The following TNRC18 variants were observed in gnomAD, a reference collection of about 807,000 sequenced individuals.
TNRC18 encodes trinucleotide repeat-containing gene 18 protein.
A neutral mutation model predicts 226.7 loss-of-function variants in TNRC18; 69 were observed. That is an observed-to-expected ratio of 0.30 (90% CI 0.25 to 0.37). The LOEUF is 0.37. TNRC18 is among the 10% of genes least tolerant of loss of function. The pLI, the probability that TNRC18 is intolerant of heterozygous loss-of-function variation, is 1.00. For missense variants in TNRC18, 4,754 were observed against 4,256.6 expected (o/e 1.12, Z -3.25); for synonymous variants, 2,449 against 1,927.6 (o/e 1.27, Z -7.09).
At chr7:5,319,991 A>G (rs568213630) in intron 24 of TNRC18, 38 of 301,310 alleles carry the variant, frequency 1.3e-4, no homozygotes, top group Non-Finnish European at 2.4e-4. Context: ...GGCCCAAGTC[A>G]GTTCACACTA....
At chr7:5,391,687 G>T (rs1448454593) in intron 3 of TNRC18, among the ~76,000 whole-genome samples, 1 of 106,030 alleles carries the variant, frequency 9.4e-6, no homozygotes, top group Non-Finnish European at 1.8e-5. Flanking sequence ...CATGGAGAGA[G>T]GAGAAGTCAC....
At chr7:5,417,138 G>A (rs1782242075) in intron 2 of TNRC18, among the ~76,000 whole-genome samples, 1 of 147,734 alleles carries the variant, frequency 6.8e-6, no homozygotes, top group Non-Finnish European at 1.5e-5. Context: ...CTGGGTGACA[G>A]AGTAAAACCC....
chr7:5,392,344 T>G (rs1780361352), intron 3 of TNRC18, among the ~76,000 whole-genome samples: 1 of 152,130 alleles, frequency 6.6e-6, no homozygotes, highest in African/African-American at 2.4e-5. Context: ...GCGCCTGTAG[T>G]CCCAGCTCCT....
chr7:5,381,063 G>A (rs530905373), intron 5 of TNRC18, among the ~76,000 whole-genome samples: 136 of 152,146 alleles, frequency 8.9e-4, no homozygotes, highest in Admixed American at 6.5e-3. Context: ...ATGGTCTCAG[G>A]GGCTTCCCAT....
chr7:5,388,762 GGCGGGGGTGGCC>G lies in TNRC18; in HGVS notation c.1050_1061del (p.Ala351_Ala354del), dbSNP rs1780025956. ...GCTCGCGGAAGACGGTGTAGACGCC[GGCGGGGGTGGCC>G]GCGGGGGGTGCAGGAGGCCCCTTGG... On this transcript the variant is annotated inframe_deletion, in exon 5 of 30. Coordinates refer to ENST00000430969, the MANE Select transcript of TNRC18 (RefSeq NM_001080495.3). 15 of 1,233,160 alleles carry G rather than the reference GGCGGGGGTGGCC, an allele frequency of 1.2e-5. No individual in the cohort carries two copies. Among genetic ancestry groups the G allele is most frequent in the African/African-American group, 1.6e-5 (1 of 61,924 alleles). 76.4% of individuals were successfully genotyped at this position (1,233,160 alleles called of 1,614,324 possible).
chr7:5,326,471 G>A (rs1259413892), intron 19 of TNRC18, among the ~76,000 whole-genome samples: 1 of 152,132 alleles, frequency 6.6e-6, no homozygotes, highest in Non-Finnish European at 1.5e-5. Context: ...TTGAGACAGG[G>A]TCTGGCTGTG....
chr7:5,371,036 G>A lies in TNRC18; in HGVS notation c.3558C>T (p.Ala1186=), dbSNP rs751217503. Residue 1186 remains alanine (A), a synonymous_variant, in exon 11 of 30, where the codon GCC becomes GCT. Transcript: ENST00000430969. ...ESPLPLPAAE[A]MATPSPAGGC... ...CCCCTGCAGGGCTGGGGGTAGCCATGGCTTCCGCGGCGGGCAGTGGCAGCG... is the reference window on the plus strand; with the variant it reads ...CCCCTGCAGGGCTGGGGGTAGCCATAGCTTCCGCGGCGGGCAGTGGCAGCG... 2 of 1,610,044 alleles carry A rather than the reference G, an allele frequency of 1.2e-6. No individual in the cohort carries two copies. The highest frequency in any genetic ancestry group is 3.3e-5 in the Admixed American group (2 of 60,000).
chr7:5,308,145 G>A lies in TNRC18; in HGVS notation c.8868C>T (p.Gly2956=), dbSNP rs1248629112. The A allele has an allele frequency of 2.6e-6, 4 of 1,564,986 alleles. No individual in the cohort carries two copies. The highest frequency in any genetic ancestry group is 1.2e-5 in the South Asian group (1 of 85,204). Reference sequence around the variant, plus strand: ...GCACGCCGTCCGTGGAGAAGATCATGCCCGTGGTGGGCTCGTAGGTGCCCG... The same window carrying A: ...GCACGCCGTCCGTGGAGAAGATCATACCCGTGGTGGGCTCGTAGGTGCCCG... ...YLAGTYEPTT[G]MIFSTDGVPV... The change falls in exon 30 of 30, where the codon GGC becomes GGT. Residue 2956 remains glycine (G), a synonymous_variant. Transcript: ENST00000430969.
chr7:5,388,422 G>A lies in TNRC18; in HGVS notation c.1402C>T (p.Pro468Ser). 2 of 1,481,402 alleles carry A rather than the reference G, an allele frequency of 1.4e-6. No individual in the cohort carries two copies. Among genetic ancestry groups the A allele is most frequent in the Non-Finnish European group, 1.8e-6 (2 of 1,126,942 alleles). 91.8% of individuals were successfully genotyped at this position (1,481,402 alleles called of 1,614,324 possible). A position where few individuals can be genotyped will look rare whatever the true frequency, so the allele number is the denominator to read the frequency against. Reference sequence around the variant, plus strand: ...TCGCAGGGCCTCGGGTCCGCCTCGGGCTTGAGCAGCTCCTTGGCAGGCACG... The same window carrying A: ...TCGCAGGGCCTCGGGTCCGCCTCGGACTTGAGCAGCTCCTTGGCAGGCACG... ...AYVPAKELLK[P>S]EADPRPCERA... is the part of the protein sequence containing the mutation. Residue 468 changes from proline (P) to serine (S), a missense_variant, in exon 5 of 30, where the codon CCC becomes TCC. Pro to Ser is a moderately conservative substitution (Grantham distance 74). Coordinates refer to ENST00000430969, the MANE Select transcript of TNRC18 (RefSeq NM_001080495.3).
In TNRC18 at chr7:5,388,412, T is replaced by C. The variant is rs1033370662; in HGVS notation, c.1412A>G (p.Asp471Gly). 4.0e-6 allele frequency: 6 copies of C among 1,492,736 alleles called. No homozygotes were observed. Among genetic ancestry groups the C allele is most frequent in the African/African-American group, 1.5e-5 (1 of 68,014 alleles). 92.5% of individuals were successfully genotyped at this position (1,492,736 alleles called of 1,614,324 possible). The stretch of plus-strand genomic sequence containing the variant: ...GGGCGCACGCTCGCAGGGCCTCGGG[T>C]CCGCCTCGGGCTTGAGCAGCTCCTT... ...PAKELLKPEA[D>G]PRPCERAPRG... Residue 471 changes from aspartate (D) to glycine (G), a missense_variant, in exon 5 of 30, where the codon GAC (aspartate) becomes GGC (glycine). Coordinates refer to ENST00000430969, the MANE Select transcript of TNRC18 (RefSeq NM_001080495.3).
chr7:5,368,084 C>T (rs932385129), intron 11 of TNRC18, among the ~76,000 whole-genome samples: 2 of 150,870 alleles, frequency 1.3e-5, no homozygotes, highest in Non-Finnish European at 1.5e-5. Context: ...TTAAAGCAGA[C>T]GAAAATGCCT....
At chr7:5,423,147 C>T (rs1782676882) in intron 1 of TNRC18, 2 of 152,374 alleles carry the variant, frequency 1.3e-5, no homozygotes, top group South Asian at 2.1e-4. Context: ...TCCCGGGCTC[C>T]CCCGCCGCCT....
chr7:5,318,521 G>A (rs1413206069), intron 24 of TNRC18, among the ~76,000 whole-genome samples: 3 of 152,088 alleles, frequency 2.0e-5, no homozygotes, highest in Admixed American at 6.6e-5. Context: ...TATCCAAGTT[G>A]TGCTACAAGT....
At chr7:5,372,388 A>C (rs1562568033) in intron 10 of TNRC18, among the ~76,000 whole-genome samples, 1 of 149,912 alleles carries the variant, frequency 6.7e-6, no homozygotes, top group African/African-American at 2.5e-5. Flanking sequence ...TGCCCGGCTA[A>C]TTTTTTATAT....
chr7:5,315,940 T>C lies in TNRC18; in HGVS notation c.6862+16A>G, dbSNP rs557855542. ...GCCCCTGGCAGGAGACCGGGTGTCA[T>C]GAGCTTGTCACTTACACTGTATCTT... On this transcript the variant is annotated intron_variant, in intron 25 of 29. Transcript: ENST00000430969. 83 of 1,537,068 alleles carry C rather than the reference T, an allele frequency of 5.4e-5. 1 individual carries two copies. The South Asian group carries it at 9.6e-4, about 18-fold the overall frequency.
At chr7:5,419,015 C>G (rs951805150) in intron 2 of TNRC18, among the ~76,000 whole-genome samples, 28 of 152,234 alleles carry the variant, frequency 1.8e-4, no homozygotes, top group African/African-American at 6.5e-4. Context: ...GGCAGCTGTC[C>G]TCCTGCTGTT....
Position 5,377,329 on chromosome 7 carries a change from CCTCCCTCAGAGAAGGGGAGAGACCCTGTG to C in TNRC18, c.2461+13_2461+41del. Reference sequence around the variant, plus strand: ...TGTCCTGCACCCGCCCCCTCCCACCCCTCCCTCAGAGAAGGGGAGAGACCCTGTGCCCCACACTCACCGTAGGGGTGTCC... The same window carrying C: ...TGTCCTGCACCCGCCCCCTCCCACCCCCCCACACTCACCGTAGGGGTGTCC... On this transcript the variant is annotated intron_variant, in intron 7 of 29. Transcript: ENST00000430969. The surrounding 1 kb of genome is among the most constrained non-coding windows in gnomAD (Gnocchi z 5.8). 1 of 1,220,704 alleles carries C rather than the reference CCTCCCTCAGAGAAGGGGAGAGACCCTGTG, an allele frequency of 8.2e-7. No homozygotes were observed. The highest frequency in any genetic ancestry group is 1.1e-6 in the Non-Finnish European group (1 of 875,888). 75.6% of individuals were successfully genotyped at this position (1,220,704 alleles called of 1,614,324 possible). A position where few individuals can be genotyped will look rare whatever the true frequency, so the allele number is the denominator to read the frequency against.
intron 1 of TNRC18, chr7:5,422,728 C>G (rs1055604727): frequency 2.6e-5 from 4 of 152,228 alleles, no homozygotes; most frequent in African/African-American, 9.7e-5. Flanking sequence ...CCCAACTTTG[C>G]TAAGGGTGCC....
At chr7:5,331,694 G>A (rs1789538117) in intron 19 of TNRC18, among the ~76,000 whole-genome samples, 1 of 152,228 alleles carries the variant, frequency 6.6e-6, no homozygotes, top group African/African-American at 2.4e-5. Context: ...GGCTGAGGCA[G>A]GAGAACAGAG....
Sources: gnomAD v4.1 joint callset for allele counts (sites outside exome capture counted in the v4.1 genomes callset) on GRCh38, gnomAD v4.1.1 for gene constraint, Gnocchi (gnomAD v3.1) non-coding constraint, MANE v1.5 for transcripts, NCBI Gene and HGNC (gene_info 2026-07-23, HGNC 2026-07-21) for gene names.